Variants in GEMIN5 observed in about 807,000 individuals in gnomAD.
GEMIN5 encodes gem-associated protein 5.
Under a neutral mutation model 176.9 loss-of-function variants are expected in GEMIN5, and 124 were observed. The ratio of observed to expected loss-of-function variants is 0.70; its 90% CI spans 0.61 to 0.81. The LOEUF is 0.81. Ranked by LOEUF, GEMIN5 falls within the 40% of genes least tolerant of loss-of-function variation. The pLI, the probability that GEMIN5 is intolerant of heterozygous loss-of-function variation, is 0.00. For synonymous variants in GEMIN5, 673 were observed against 665.2 expected (o/e 1.01, Z -0.18); for missense variants, 1,843 against 1,814.6 (o/e 1.02, Z -0.28).
chr5:154,904,695 A>G (rs1763534889), intron 17 of GEMIN5, 66 bp from the exon 18 acceptor site: 6 of 1,269,306 alleles, frequency 4.7e-6, no homozygotes, highest in African/African-American at 1.5e-5. Context: ...CGGAATGCCT[A>G]TTGTGTGAAT....
chr5:154,888,117 G>C lies in GEMIN5; in HGVS notation c.*93C>G. ...TTTTGGATTACTGCAAAAACATCTA[G>C]GGACCAGAGTGAATGTCTGGTGAGG... On this transcript the variant is annotated 3_prime_UTR_variant, in exon 28 of 28. Coordinates refer to ENST00000285873, the MANE Select transcript of GEMIN5 (RefSeq NM_015465.5). 1 of 1,164,746 alleles carries C rather than the reference G, an allele frequency of 8.6e-7. No homozygotes were observed. The highest frequency in any genetic ancestry group is 1.5e-5 in the African/African-American group (1 of 65,112). The allele number at this position is 1,164,746 out of a possible 1,614,324, so 72.2% of individuals were successfully genotyped here.
chr5:154,920,082 G>A lies in GEMIN5; in HGVS notation c.1484C>T (p.Ser495Phe). The change falls in exon 11 of 28, where the codon TCC (serine) becomes TTC (phenylalanine). Residue 495 changes from serine (S) to phenylalanine (F), a missense_variant. Physicochemically the swap from Ser to Phe is radical, Grantham distance 155. Coordinates refer to ENST00000285873, the MANE Select transcript of GEMIN5 (RefSeq NM_015465.5). The stretch of plus-strand genomic sequence containing the variant: ...TCCTCCACAGCTGTATAAAGCAAGG[G>A]AAGGTCTGTCTCCTTCTCCTCCTGT... Reference protein sequence around the residue: ...MSLGGEGDRPSLALYSCGGEG... With the variant: ...MSLGGEGDRPFLALYSCGGEG... 6.2e-7 allele frequency: 1 copy of A among 1,612,846 alleles called. No individual in the cohort carries two copies.
Position 154,928,473 on chromosome 5 carries a change from G to C in GEMIN5, c.914+54C>G, listed in dbSNP as rs1433952656. 20 of 1,565,790 alleles carry C rather than the reference G, an allele frequency of 1.3e-5. No individual in the cohort carries two copies. In the Admixed American group the frequency reaches 3.0e-4, roughly 24 times the overall value. The stretch of plus-strand genomic sequence containing the variant: ...CTTTCTCCATCCTAGGAGGACTTGA[G>C]GCCAAATAGAAAAACAAAATATATC... On this transcript the variant is annotated intron_variant, in intron 6 of 27. Coordinates refer to ENST00000285873, the MANE Select transcript of GEMIN5 (RefSeq NM_015465.5).
chr5:154,921,246 A>C, intron 10 of GEMIN5, 97 bp downstream of exon 10: 1 of 735,542 alleles, frequency 1.4e-6, no homozygotes, highest in Non-Finnish European at 2.5e-6. Context: ...CAGTCAGTGC[A>C]CTAGACCATT....
intron 24 of GEMIN5, among the ~76,000 whole-genome samples, chr5:154,894,078 G>C (rs111896074): frequency 5.3e-5 from 8 of 152,122 alleles, no homozygotes; most frequent in African/African-American, 1.9e-4. Context: ...CCTAGTACCT[G>C]GGATTACAGG....
chr5:154,901,887 C>T (rs1763473430), intron 20 of GEMIN5, among the ~76,000 whole-genome samples: 1 of 151,988 alleles, frequency 6.6e-6, no homozygotes. Flanking sequence ...GCAGCCTTAA[C>T]CTCCCCGGGC....
intron 6 of GEMIN5, 134 bp downstream of exon 6, chr5:154,928,393 G>T: frequency 1.3e-6 from 1 of 746,446 alleles, no homozygotes; most frequent in Non-Finnish European, 2.3e-6. Flanking sequence ...ACAGGCATTA[G>T]TCTCATAATT....
At chr5:154,922,697 GTTT>G (rs941015595) in intron 9 of GEMIN5, among the ~76,000 whole-genome samples, 3 of 135,328 alleles carry the variant, frequency 2.2e-5, no homozygotes, top group Admixed American at 7.5e-5. Flanking sequence ...CTTTAAAACA[GTTT>G]TTTTTTTTTT....
chr5:154,911,971 TAAAAACA>T (rs918961235), intron 14 of GEMIN5, 73 bp from the exon 15 acceptor site: 34 of 1,401,918 alleles, frequency 2.4e-5, no homozygotes, highest in African/African-American at 8.7e-5. Context: ...GTTTTCTAAT[TAAAAACA>T]AAAAACAAAA....
intron 18 of GEMIN5, among the ~76,000 whole-genome samples, chr5:154,903,904 T>A (rs1763518790): frequency 6.6e-6 from 1 of 152,038 alleles, no homozygotes; most frequent in African/African-American, 2.4e-5. Context: ...GCTCAAGTGA[T>A]CCTTCTGCTT....
intron 24 of GEMIN5, among the ~76,000 whole-genome samples, chr5:154,893,110 AAAC>A (rs1246152413): frequency 6.6e-6 from 1 of 151,994 alleles, no homozygotes; most frequent in Non-Finnish European, 1.5e-5. Context: ...ACAAACAAAC[AAAC>A]AACAAAAACA....
chr5:154,935,851 C>G lies in GEMIN5; in HGVS notation c.499G>C (p.Val167Leu), dbSNP rs148705414. 286 of 1,611,666 alleles carry G rather than the reference C, an allele frequency of 1.8e-4. 1 individual carries two copies. The highest frequency in any genetic ancestry group is 2.2e-4 in the Non-Finnish European group (265 of 1,178,148). ...LTCSPHHEDL[V>L]AIGYKDGIVV... is the part of the protein sequence containing the mutation. ...TGGCATAGTACTTACCCAATGGCTA[C>G]TAAATCTTCATGATGAGGTGAACAA... The change falls in exon 3 of 28, where the codon GTA becomes CTA. Residue 167 changes from valine to leucine, a missense_variant. Val to Leu is a conservative substitution (Grantham distance 32, BLOSUM62 1). Coordinates refer to ENST00000285873, the MANE Select transcript of GEMIN5 (RefSeq NM_015465.5).
At chr5:154,889,932 G>C (rs1054092836) in intron 26 of GEMIN5, among the ~76,000 whole-genome samples, 8 of 152,212 alleles carry the variant, frequency 5.3e-5, no homozygotes, top group Non-Finnish European at 1.2e-4. Context: ...CATGAACACA[G>C]GTGTGCACAT....
rs1489385016 is a variant in GEMIN5, at chr5:154,913,009, T to TA, written c.1884dup (p.Thr629TyrfsTer24). On this transcript the variant is annotated frameshift_variant, in exon 14 of 28. Transcript: ENST00000285873. LOFTEE classifies it high-confidence loss of function. ...CCTGAGAGGGTCCGGTAGGGCTCTG[T>TA]AATGGTCACTGGAGACTCAGGGCTG... is the stretch of plus-strand genomic sequence containing the variant. The TA allele has an allele frequency of 1.9e-5, 31 of 1,613,540 alleles. No homozygotes were observed. Among genetic ancestry groups the TA allele is most frequent in the Non-Finnish European group, 2.5e-5 (29 of 1,179,676 alleles).
At chr5:154,936,349 G>A (rs1309710091) in intron 2 of GEMIN5, among the ~76,000 whole-genome samples, 5 of 6,986 alleles carry the variant, frequency 7.2e-4, no homozygotes, top group Non-Finnish European at 2.9e-3. Context: ...CCCAGGAGGC[G>A]GAGCTTGCAG....
At chr5:154,903,529 G>A (rs1240357494) in intron 18 of GEMIN5, among the ~76,000 whole-genome samples, 1 of 152,132 alleles carries the variant, frequency 6.6e-6, no homozygotes, top group Admixed American at 6.6e-5. Context: ...GGAAAATAAT[G>A]TGAAACTAGG....
At chr5:154,906,160 T>C (rs1763563379) in intron 16 of GEMIN5, among the ~76,000 whole-genome samples, 1 of 152,100 alleles carries the variant, frequency 6.6e-6, no homozygotes. Flanking sequence ...ATTATCTTGG[T>C]AATTTTTATA....
At chr5:154,920,168 T>C (rs905564131) in intron 10 of GEMIN5, 65 bp from the exon 11 acceptor site, 26 of 1,324,344 alleles carry the variant, frequency 2.0e-5, no homozygotes, top group Admixed American at 4.0e-5. Context: ...TTTGTTGCTA[T>C]AGTATGACCA....
chr5:154,888,144 A>C lies in GEMIN5; in HGVS notation c.*66T>G. The C allele has an allele frequency of 2.8e-6, 4 of 1,437,142 alleles. No homozygotes were observed. The highest frequency in any genetic ancestry group is 1.4e-5 in the African/African-American group (1 of 71,310). 89.0% of individuals were successfully genotyped at this position (1,437,142 alleles called of 1,614,324 possible). On this transcript the variant is annotated 3_prime_UTR_variant, in exon 28 of 28. Transcript: ENST00000285873. ...GACCAGAGTGAATGTCTGGTGAGGC[A>C]TAACTGCAGAGGTGAAAGATGTCAA...
Sources: allele counts gnomAD v4.1 joint callset (sites outside exome capture counted in the v4.1 genomes callset), GRCh38; gene constraint gnomAD v4.1.1; transcripts MANE v1.5; gene names NCBI Gene and HGNC (gene_info 2026-07-23, HGNC 2026-07-21).